The following CDR2 variants were observed in gnomAD, a reference collection of about 807,000 sequenced individuals.
CDR2 encodes the protein cerebellar degeneration-related protein 2.
A neutral mutation model predicts 48.4 loss-of-function variants in CDR2; 34 were observed. That is an observed-to-expected ratio of 0.70 (90% CI 0.53 to 0.94). The LOEUF (loss-of-function observed/expected upper bound fraction) is 0.94. Ranked by LOEUF, CDR2 falls within the 40% of genes least tolerant of loss-of-function variation. CDR2 has a pLI of 0.00. For missense variants in CDR2, 498 were observed against 549.5 expected (o/e 0.91, Z 0.94); for synonymous variants, 240 against 219.7 (o/e 1.09, Z -0.82).
At chr16:22,371,039 C>T (rs2049072202) in intron 1 of CDR2, among the ~76,000 whole-genome samples, 1 of 152,028 alleles carries the variant, frequency 6.6e-6, no homozygotes, top group African/African-American at 2.4e-5. Flanking sequence ...GGGGAAACCC[C>T]GTCTCTACTA....
intron 2 of CDR2, among the ~76,000 whole-genome samples, chr16:22,360,293 C>A (rs1834113400): frequency 6.6e-6 from 1 of 152,036 alleles, no homozygotes; most frequent in Non-Finnish European, 1.5e-5. Flanking sequence ...TTCAAATTAG[C>A]ACTGAAAAAA....
At chr16:22,365,927 G>A (rs547879559) in intron 1 of CDR2, among the ~76,000 whole-genome samples, 2 of 152,246 alleles carry the variant, frequency 1.3e-5, no homozygotes, top group Non-Finnish European at 1.5e-5. Context: ...TTTCAATATG[G>A]TGACTTTAAG....
chr16:22,347,728 G>GT lies in CDR2; in HGVS notation c.601dup (p.Thr201AsnfsTer32), dbSNP rs1567343185. ...CAGCTGGGCCTGCAACATTGTCACT[G>GT]TTTTTTTCAAGTGCTCATTTTCCTC... On this transcript the variant is annotated frameshift_variant, in exon 5 of 5. Coordinates refer to ENST00000268383, the MANE Select transcript of CDR2 (RefSeq NM_001802.2). LOFTEE classifies it high-confidence loss of function. 4 of 1,613,990 alleles carry GT rather than the reference G, an allele frequency of 2.5e-6. No homozygotes were observed. Among genetic ancestry groups the GT allele is most frequent in the Non-Finnish European group, 3.4e-6 (4 of 1,180,004 alleles).
At chr16:22,371,962 CCA>C (rs1408518841) in intron 1 of CDR2, among the ~76,000 whole-genome samples, 1 of 151,904 alleles carries the variant, frequency 6.6e-6, no homozygotes, top group Non-Finnish European at 1.5e-5. Context: ...ACTCCGCCTC[CCA>C]GTTTCAAGCA....
intron 2 of CDR2, among the ~76,000 whole-genome samples, chr16:22,360,499 G>A (rs1176349649): frequency 1.3e-5 from 2 of 151,978 alleles, no homozygotes; most frequent in Non-Finnish European, 2.9e-5. Flanking sequence ...GAATATTTGT[G>A]GTTCTACTTA....
At chr16:22,347,887 T>C (rs548351101) in intron 4 of CDR2, 64 bp from the exon 5 acceptor site, 15 of 1,437,230 alleles carry the variant, frequency 1.0e-5, no homozygotes, top group African/African-American at 4.3e-5. Context: ...AGAGGAAGAC[T>C]GGTGATTTTT....
At chr16:22,355,222 C>T (rs529825278) in intron 2 of CDR2, among the ~76,000 whole-genome samples, 3 of 152,328 alleles carry the variant, frequency 2.0e-5, no homozygotes, top group Middle Eastern at 6.8e-3. Context: ...GTGGTTTTTC[C>T]AGCTTCATTT....
chr16:22,359,662 T>C (rs1347999836), intron 2 of CDR2, among the ~76,000 whole-genome samples: 1 of 152,202 alleles, frequency 6.6e-6, no homozygotes, highest in African/African-American at 2.4e-5. Context: ...GTAATTCATA[T>C]GTCTAAATTC....
At position 22,345,975 on chromosome 16, in the gene CDR2, T is replaced by G. The variant is rs2048901362; in HGVS notation, c.*990A>C. The stretch of plus-strand genomic sequence containing the variant: ...TAGCTTTATTTGGTTTTTAGAAAAA[T>G]ATATACAATAATCGGAACATCAGTT... On this transcript the variant is annotated 3_prime_UTR_variant, in exon 5 of 5. Transcript: ENST00000268383. The G allele has an allele frequency of 6.6e-6, 1 of 152,648 alleles. No individual in the cohort carries two copies. Among genetic ancestry groups the G allele is most frequent in the Non-Finnish European group, 1.5e-5 (1 of 68,038 alleles). The allele number at this position is 152,648 out of a possible 1,614,324, so 9.5% of individuals were successfully genotyped here.
In CDR2 at chr16:22,347,445, G is replaced by C. The variant is rs1390241013; in HGVS notation, c.885C>G (p.Phe295Leu). ...TTCTATGTGATTCCGGCACAGTCAG[G>C]AACATCTCTTCCAGCAGGCTCTGGC... ...EPSQSLLEEM[F>L]LTVPESHRKP... Residue 295 changes from phenylalanine to leucine, a missense_variant, in exon 5 of 5, where the codon TTC (phenylalanine) becomes TTG (leucine). Transcript: ENST00000268383. The C allele has an allele frequency of 3.1e-6, 5 of 1,613,860 alleles. No individual in the cohort carries two copies. Among genetic ancestry groups the C allele is most frequent in the Non-Finnish European group, 4.2e-6 (5 of 1,179,926 alleles).
chr16:22,365,793 C>T (rs749192928), intron 1 of CDR2, among the ~76,000 whole-genome samples: 8 of 152,164 alleles, frequency 5.3e-5, no homozygotes, highest in Non-Finnish European at 1.2e-4. Context: ...CTAGTTGTAA[C>T]ATACGTCATT....
chr16:22,372,933 G>A (rs2049088064), intron 1 of CDR2, among the ~76,000 whole-genome samples: 1 of 152,196 alleles, frequency 6.6e-6, no homozygotes, highest in African/African-American at 2.4e-5. Context: ...TCAACTAAAT[G>A]AGATGTTAAT....
rs2048906142 is a variant in CDR2 at position 22,346,569 on chromosome 16, T to C, written c.*396A>G. On this transcript the variant is annotated 3_prime_UTR_variant, in exon 5 of 5. Transcript: ENST00000268383. ...TTTGAGTTTGACAGCCTTCTGACTT[T>C]CATCGTTTTGAGAAGTTGCGCAAGG... 1 of 181,474 alleles carries C rather than the reference T, an allele frequency of 5.5e-6. No individual in the cohort carries two copies. Among genetic ancestry groups the C allele is most frequent in the African/African-American group, 2.4e-5 (1 of 42,342 alleles). 11.2% of individuals were successfully genotyped at this position (181,474 alleles called of 1,614,324 possible).
intron 1 of CDR2, among the ~76,000 whole-genome samples, chr16:22,365,558 T>C (rs1267762130): frequency 6.6e-6 from 1 of 152,198 alleles, no homozygotes; most frequent in African/African-American, 2.4e-5. Flanking sequence ...TCTCTTCGTG[T>C]CCTTCTGTAA....
chr16:22,373,200 TTAGTA>T (rs1456170127), intron 1 of CDR2, among the ~76,000 whole-genome samples: 4 of 152,198 alleles, frequency 2.6e-5, no homozygotes. Flanking sequence ...GCTCCTGCTA[TTAGTA>T]TAAGAAAAAC....
intron 2 of CDR2, among the ~76,000 whole-genome samples, chr16:22,363,850 A>C (rs546267218): frequency 1.3e-5 from 2 of 152,346 alleles, no homozygotes; most frequent in South Asian, 4.1e-4. Flanking sequence ...GGGACTATTT[A>C]TAAGATTAGC....
Position 22,347,200 on chromosome 16 carries a change from T to C in CDR2, c.1130A>G (p.Lys377Arg). Residue 377 changes from lysine to arginine, a missense_variant, in exon 5 of 5, where the codon AAG becomes AGG. Coordinates refer to ENST00000268383, the MANE Select transcript of CDR2 (RefSeq NM_001802.2). The stretch of plus-strand genomic sequence containing the variant: ...TGCAGCCCTGGAGGTCTGCACAGCC[T>C]TGTGTGACAGGGAGTCCTGTTCCTC... ...CQEEQDSLSH[K>R]AVQTSRAAAK... 1 of 1,614,234 alleles carries C rather than the reference T, an allele frequency of 6.2e-7. No individual in the cohort carries two copies.
intron 2 of CDR2, among the ~76,000 whole-genome samples, 165 bp downstream of exon 2, chr16:22,364,737 C>A (rs1472865038): frequency 2.6e-5 from 4 of 152,092 alleles, no homozygotes; most frequent in Non-Finnish European, 5.9e-5. Context: ...GTGGCAGGCG[C>A]CTGTAATCCC....
In CDR2 at chr16:22,374,102, C is replaced by T; in HGVS notation, c.79+129G>A. 8.7e-6 allele frequency: 5 copies of T among 576,162 alleles called. No individual in the cohort carries two copies. In the South Asian group the frequency reaches 1.0e-4, roughly 12 times the overall value. 35.7% of individuals were successfully genotyped at this position (576,162 alleles called of 1,614,324 possible). A position where few individuals can be genotyped will look rare whatever the true frequency, so the allele number is the denominator to read the frequency against. On this transcript the variant is annotated intron_variant, in intron 1 of 4. Transcript: ENST00000268383. ...TCCGCGGGCACGGCCGGCCCAGCCG[C>T]CAGGTGAGCCTGAGCCCTTCCCGGC...
Sources: gnomAD v4.1 joint callset for allele counts (sites outside exome capture counted in the v4.1 genomes callset) on GRCh38, gnomAD v4.1.1 for gene constraint, MANE v1.5 for transcripts, NCBI Gene and HGNC (gene_info 2026-07-23, HGNC 2026-07-21) for gene names.